Variants in PEX1 observed in about 807,000 individuals in gnomAD.
PEX1 encodes the protein peroxisomal biogenesis factor 1.
Under a neutral mutation model 152.5 loss-of-function variants are expected in PEX1, and 97 were observed. The observed-to-expected ratio is 0.64, with a 90% CI of 0.54 to 0.75. The LOEUF (loss-of-function observed/expected upper bound fraction) is 0.75. Among genes scored for constraint, PEX1 ranks in the 30% least tolerant of loss-of-function variants. PEX1 has a pLI of 0.00. For missense variants in PEX1, 1,357 were observed against 1,516.3 expected (o/e 0.89, Z 1.74); for synonymous variants, 485 against 531.6 (o/e 0.91, Z 1.21).
chr7:92,524,964 T>C (rs951849117), intron 1 of PEX1, among the ~76,000 whole-genome samples: 2 of 151,938 alleles, frequency 1.3e-5, no homozygotes, highest in Non-Finnish European at 2.9e-5. Context: ...TGCCCTGAAA[T>C]ATCAAAAAAG....
At chr7:92,510,408 G>A (rs1792405503) in intron 8 of PEX1, among the ~76,000 whole-genome samples, 1 of 151,734 alleles carries the variant, frequency 6.6e-6, no homozygotes, top group South Asian at 2.1e-4. Context: ...CGAGGCTGCA[G>A]TGAGCCATGA....
intron 1 of PEX1, 62 bp downstream of exon 1, chr7:92,528,243 TGA>T: frequency 6.5e-7 from 1 of 1,540,316 alleles, no homozygotes; most frequent in Non-Finnish European, 8.7e-7. Context: ...GCCGCGTCCC[TGA>T]GAGGCTTCGG....
At chr7:92,499,207 C>T (rs10266304) in intron 16 of PEX1, among the ~76,000 whole-genome samples, 16 of 152,232 alleles carry the variant, frequency 1.1e-4, no homozygotes, top group African/African-American at 3.9e-4. Context: ...GAATTCTACT[C>T]CTCAGTTTAT....
chr7:92,500,474 G>A (rs1347547173), intron 15 of PEX1, among the ~76,000 whole-genome samples: 1 of 152,166 alleles, frequency 6.6e-6, no homozygotes, highest in Non-Finnish European at 1.5e-5. Context: ...CAGCAGTTAC[G>A]CATATAGTCT....
At chr7:92,504,224 AC>A (rs1792071258) in intron 12 of PEX1, among the ~76,000 whole-genome samples, 1 of 151,602 alleles carries the variant, frequency 6.6e-6, no homozygotes, top group Non-Finnish European at 1.5e-5. Flanking sequence ...CTTGTTGGTC[AC>A]CCTGGTCAAA....
chr7:92,515,769 G>A (rs890893336), intron 5 of PEX1, among the ~76,000 whole-genome samples: 10 of 151,150 alleles, frequency 6.6e-5, no homozygotes, highest in African/African-American at 2.2e-4. Context: ...TGAGGCAGGC[G>A]GATCACTTGA....
intron 2 of PEX1, 47 bp downstream of exon 2, chr7:92,522,055 A>G: frequency 6.4e-7 from 1 of 1,570,200 alleles, no homozygotes; most frequent in Non-Finnish European, 8.8e-7. Context: ...TTCTATTGCT[A>G]TATTATGTGA....
At chr7:92,491,028 C>CA (rs1791278118) in intron 21 of PEX1, among the ~76,000 whole-genome samples, 1 of 152,188 alleles carries the variant, frequency 6.6e-6, no homozygotes, top group Non-Finnish European at 1.5e-5. Context: ...AGAGAAACCT[C>CA]AAAGAAACCA....
intron 10 of PEX1, 54 bp downstream of exon 10, chr7:92,506,940 T>C (rs1792218719): frequency 1.4e-5 from 23 of 1,590,672 alleles, no homozygotes; most frequent in South Asian, 2.2e-5. Context: ...CAAAGAAAGA[T>C]AAATGAAAAG....
rs759794355 is a variant in PEX1 at position 92,528,269 on chromosome 7, C to T, written c.129+38G>A. 4 of 1,547,454 alleles carry T rather than the reference C, an allele frequency of 2.6e-6. No individual in the cohort carries two copies. In the South Asian group the frequency reaches 4.8e-5, roughly 18 times the overall value. ...GAGAGGCTTCGGCCTCGTCCGACCC[C>T]AGGCTGAAGATCAGGTGGCTCGGGG... On this transcript the variant is annotated intron_variant, in intron 1 of 23. Coordinates refer to ENST00000248633, the MANE Select transcript of PEX1 (RefSeq NM_000466.3).
At chr7:92,491,771 T>C (rs112588411) in intron 20 of PEX1, among the ~76,000 whole-genome samples, 2 of 152,200 alleles carry the variant, frequency 1.3e-5, no homozygotes, top group African/African-American at 2.4e-5. Context: ...CTGGGCTTTA[T>C]TTTTATGTCT....
chr7:92,489,588 AG>A (rs1236802877), intron 22 of PEX1, 125 bp downstream of exon 22: 20 of 1,019,388 alleles, frequency 2.0e-5, no homozygotes, highest in Non-Finnish European at 1.5e-6. Context: ...ACCATGACTG[AG>A]TTAATGTGTT....
At chr7:92,514,164 G>A (rs1015573794) in intron 5 of PEX1, among the ~76,000 whole-genome samples, 197 bp from the exon 6 acceptor site, 4 of 152,170 alleles carry the variant, frequency 2.6e-5, no homozygotes, top group African/African-American at 9.7e-5. Flanking sequence ...ACAAACGACA[G>A]AAACTTATTT....
chr7:92,492,287 G>A (rs902124061), intron 20 of PEX1, among the ~76,000 whole-genome samples: 7 of 152,148 alleles, frequency 4.6e-5, no homozygotes, highest in Admixed American at 1.3e-4. Context: ...AGGACTACAG[G>A]TATGTGCCAC....
chr7:92,498,530 C>T (rs1791769398), intron 16 of PEX1, among the ~76,000 whole-genome samples: 2 of 152,126 alleles, frequency 1.3e-5, no homozygotes, highest in African/African-American at 4.8e-5. Context: ...AATTACTAAA[C>T]TGATTTATAA....
chr7:92,489,506 T>A lies in PEX1; in HGVS notation c.3637-83A>T. ...GTAGTCCAGTTGTTACTTCTTATTGTCAGTTTTTTCAAGAGACCATACGTT... is the reference window on the plus strand; with the variant it reads ...GTAGTCCAGTTGTTACTTCTTATTGACAGTTTTTTCAAGAGACCATACGTT... On this transcript the variant is annotated intron_variant, in intron 22 of 23. Coordinates refer to ENST00000248633, the MANE Select transcript of PEX1 (RefSeq NM_000466.3). 2.4e-6 allele frequency: 3 copies of A among 1,262,030 alleles called. No homozygotes were observed. In the Admixed American group the frequency reaches 5.7e-5, roughly 24 times the overall value. 78.2% of individuals were successfully genotyped at this position (1,262,030 alleles called of 1,614,324 possible). A position where few individuals can be genotyped will look rare whatever the true frequency, so the allele number is the denominator to read the frequency against.
intron 1 of PEX1, among the ~76,000 whole-genome samples, chr7:92,526,632 GTCAA>G (rs1240635372): frequency 9.2e-5 from 14 of 152,100 alleles, no homozygotes; most frequent in African/African-American, 2.7e-4. Flanking sequence ...AATCTAAATG[GTCAA>G]TCATAGTAAA....
intron 17 of PEX1, among the ~76,000 whole-genome samples, chr7:92,495,424 C>G (rs565893550): frequency 1.3e-5 from 2 of 152,274 alleles, no homozygotes; most frequent in East Asian, 3.9e-4. Context: ...TTTGGCAAAA[C>G]TCTCCTAGAA....
At chr7:92,498,505 A>T (rs1791768742) in intron 16 of PEX1, among the ~76,000 whole-genome samples, 1 of 152,228 alleles carries the variant, frequency 6.6e-6, no homozygotes, top group African/African-American at 2.4e-5. Context: ...AAATAAATAC[A>T]GAAACAAATA....
Sources: gnomAD v4.1 joint callset for allele counts (sites outside exome capture counted in the v4.1 genomes callset) on GRCh38, gnomAD v4.1.1 for gene constraint, MANE v1.5 for transcripts, NCBI Gene and HGNC (gene_info 2026-07-23, HGNC 2026-07-21) for gene names.